Variants in RSRC1 observed in about 807,000 individuals in gnomAD.
The protein encoded by RSRC1 is serine/Arginine-related protein 53.
RSRC1 carries 39 observed loss-of-function variants against 49.1 expected under a neutral mutation model. The observed-to-expected ratio is 0.79, with a 90% CI of 0.61 to 1.04. RSRC1 has a LOEUF of 1.04. Ranked by LOEUF, RSRC1 falls within the 50% of genes least tolerant of loss-of-function variation. RSRC1 has a pLI of 0.00. For missense variants in RSRC1, 388 were observed against 402.4 expected, an observed-to-expected ratio of 0.96 and a Z score of 0.31; for synonymous variants, 143 against 130.8, an observed-to-expected ratio of 1.09 and a Z score of -0.63.
At chr3:158,311,268 CTTAT>C (rs1301222703) in intron 5 of RSRC1, among the ~76,000 whole-genome samples, 7 of 151,780 alleles carry the variant, frequency 4.6e-5, no homozygotes, top group Non-Finnish European at 7.4e-5. Flanking sequence ...GTTTGTACTG[CTTAT>C]ATAGTCCCTT....
intron 6 of RSRC1, among the ~76,000 whole-genome samples, chr3:158,437,918 T>TC (rs1248108335): frequency 2.0e-5 from 3 of 152,076 alleles, no homozygotes; most frequent in Non-Finnish European, 4.4e-5. Context: ...TTTAGAAAAC[T>TC]CCATCATCTC....
intron 5 of RSRC1, among the ~76,000 whole-genome samples, chr3:158,342,770 G>A (rs1242827598): frequency 6.6e-6 from 1 of 152,020 alleles, no homozygotes; most frequent in Non-Finnish European, 1.5e-5. Flanking sequence ...TAAAAACGCG[G>A]ACAAAATATT....
intron 4 of RSRC1, among the ~76,000 whole-genome samples, chr3:158,220,982 T>A (rs1214119684): frequency 1.3e-5 from 2 of 151,632 alleles, no homozygotes; most frequent in Admixed American, 1.3e-4. Flanking sequence ...GGGTTTGATA[T>A]TAAAAGCCAT....
At chr3:158,253,117 G>A (rs1445103377) in intron 4 of RSRC1, among the ~76,000 whole-genome samples, 2 of 151,508 alleles carry the variant, frequency 1.3e-5, no homozygotes, top group Non-Finnish European at 1.5e-5. Context: ...ACTAATTTGG[G>A]GTTTGGTTTG....
At chr3:158,459,545 C>T (rs1737512183) in intron 6 of RSRC1, among the ~76,000 whole-genome samples, 1 of 152,004 alleles carries the variant, frequency 6.6e-6, no homozygotes, top group South Asian at 2.1e-4. Flanking sequence ...TTTTACATGA[C>T]TCAAGGGGTA....
chr3:158,452,681 C>T (rs1353031262), intron 6 of RSRC1, among the ~76,000 whole-genome samples: 1 of 152,134 alleles, frequency 6.6e-6, no homozygotes, highest in Non-Finnish European at 1.5e-5. Context: ...ATACATTTTG[C>T]TAGATGTTTT....
intron 1 of RSRC1, among the ~76,000 whole-genome samples, chr3:158,111,797 G>A (rs773711505): frequency 7.9e-5 from 12 of 152,170 alleles, no homozygotes; most frequent in Non-Finnish European, 1.8e-4. Context: ...CATGTCCTTT[G>A]GAAATCTTTG....
At chr3:158,436,489 C>T (rs138697213) in intron 6 of RSRC1, among the ~76,000 whole-genome samples, 5 of 152,030 alleles carry the variant, frequency 3.3e-5, no homozygotes, top group East Asian at 1.9e-4. Context: ...TGTGCCCACA[C>T]GTGCATGCAT....
chr3:158,205,112 C>T (rs1721275015), intron 4 of RSRC1, among the ~76,000 whole-genome samples: 1 of 152,034 alleles, frequency 6.6e-6, no homozygotes, highest in African/African-American at 2.4e-5. Flanking sequence ...TTAATTTCAA[C>T]AAAGGCAATG....
chr3:158,303,463 C>T (rs1727677976), intron 5 of RSRC1: 1 of 152,204 alleles, frequency 6.6e-6, no homozygotes, highest in South Asian at 2.1e-4. Flanking sequence ...CAGTGCTTCA[C>T]CATCTTTAAT....
chr3:158,186,962 G>A (rs1719966973), intron 3 of RSRC1, among the ~76,000 whole-genome samples: 1 of 151,908 alleles, frequency 6.6e-6, no homozygotes, highest in African/African-American at 2.4e-5. Context: ...TTAGAAATGA[G>A]TCTGTGTAAA....
At chr3:158,270,593 G>C (rs995305385) in intron 4 of RSRC1, among the ~76,000 whole-genome samples, 2 of 152,000 alleles carry the variant, frequency 1.3e-5, no homozygotes, top group African/African-American at 2.4e-5. Flanking sequence ...TGGTACTAAG[G>C]GTTTAAAATT....
chr3:158,529,970 G>A (rs1318878892), intron 7 of RSRC1, among the ~76,000 whole-genome samples: 4 of 151,750 alleles, frequency 2.6e-5, no homozygotes, highest in Non-Finnish European at 5.9e-5. Context: ...AAATTCAGCT[G>A]GGCCTTTTGT....
chr3:158,181,394 T>C (rs1719615792), intron 3 of RSRC1, among the ~76,000 whole-genome samples: 1 of 152,206 alleles, frequency 6.6e-6, no homozygotes, highest in Non-Finnish European at 1.5e-5. Context: ...AAAGTGTCTG[T>C]ATTTGGGAGG....
At chr3:158,269,437 T>C (rs1010312620) in intron 4 of RSRC1, among the ~76,000 whole-genome samples, 2 of 152,218 alleles carry the variant, frequency 1.3e-5, no homozygotes, top group African/African-American at 4.8e-5. Context: ...GCTAATTAAG[T>C]TTATCTCCCT....
chr3:158,275,276 A>G (rs557495896), intron 4 of RSRC1, among the ~76,000 whole-genome samples: 2 of 152,214 alleles, frequency 1.3e-5, no homozygotes, highest in African/African-American at 2.4e-5. Context: ...CTGTGGAGAC[A>G]GAGGCAGTTT....
At chr3:158,163,257 C>T (rs1199573246) in intron 3 of RSRC1, among the ~76,000 whole-genome samples, 1 of 152,220 alleles carries the variant, frequency 6.6e-6, no homozygotes, top group Non-Finnish European at 1.5e-5. Flanking sequence ...CCTGCCTCCT[C>T]TGCCTCCCAA....
chr3:158,392,913 T>A (rs959819396), intron 6 of RSRC1, among the ~76,000 whole-genome samples: 1 of 152,002 alleles, frequency 6.6e-6, no homozygotes, highest in Non-Finnish European at 1.5e-5. Context: ...ACTCTAAAAT[T>A]GACCAGTCAG....
At chr3:158,310,153 A>G (rs1486499203) in intron 5 of RSRC1, among the ~76,000 whole-genome samples, 2 of 151,602 alleles carry the variant, frequency 1.3e-5, no homozygotes, top group Admixed American at 6.6e-5. Flanking sequence ...CACTTTATTT[A>G]TATAAGATAT....
Sources: gnomAD v4.1 joint callset for allele counts (sites outside exome capture counted in the v4.1 genomes callset) on GRCh38, gnomAD v4.1.1 for gene constraint, MANE v1.5 for transcripts, NCBI Gene and HGNC (gene_info 2026-07-23, HGNC 2026-07-21) for gene names.